Variants in NFXL1 observed in about 807,000 individuals in gnomAD.
NFXL1 encodes nuclear transcription factor, X-box binding like 1.
Under a neutral mutation model 123.3 loss-of-function variants are expected in NFXL1, and 66 were observed. The observed-to-expected ratio is 0.54, with a 90% CI of 0.44 to 0.66. NFXL1 has a LOEUF of 0.66. NFXL1 is among the 30% of genes least tolerant of loss of function. The pLI, the probability that NFXL1 is intolerant of heterozygous loss-of-function variation, is 0.00. For missense variants in NFXL1, 944 were observed against 1,125.6 expected (o/e 0.84, Z 2.31); for synonymous variants, 346 against 360.8 (o/e 0.96, Z 0.46).
At chr4:47,849,235 C>A (rs1446235732) in intron 22 of NFXL1, among the ~76,000 whole-genome samples, 1 of 152,046 alleles carries the variant, frequency 6.6e-6, no homozygotes, top group Admixed American at 6.5e-5. Context: ...GCTTTAAAAT[C>A]AAAATGACTA....
intron 18 of NFXL1, among the ~76,000 whole-genome samples, chr4:47,863,600 C>T (rs1271086421): frequency 1.3e-5 from 2 of 151,956 alleles, no homozygotes; most frequent in African/African-American, 4.8e-5. Flanking sequence ...AAGAATCGCT[C>T]GAACTCAGGA....
intron 18 of NFXL1, among the ~76,000 whole-genome samples, chr4:47,874,475 A>T (rs906573676): frequency 6.6e-6 from 1 of 152,222 alleles, no homozygotes; most frequent in Admixed American, 6.5e-5. Context: ...CTAGTGATGC[A>T]GTTCAATCAC....
intron 18 of NFXL1, among the ~76,000 whole-genome samples, chr4:47,863,556 C>T (rs909859841): frequency 6.6e-6 from 1 of 152,054 alleles, no homozygotes; most frequent in Non-Finnish European, 1.5e-5. Context: ...ATGGTGCATG[C>T]CTGTAATCCT....
rs1733889098 is a variant in NFXL1, at chr4:47,847,709, T to C, written c.*454A>G. ...TCATGTCACAATTTAAGAGGTCTGT[T>C]AGAGAATCACTTTTTTTAAAAAGCA... On this transcript the variant is annotated 3_prime_UTR_variant, in exon 23 of 23. Transcript: ENST00000507489. The C allele has an allele frequency of 6.5e-6, 1 of 152,750 alleles. No individual in the cohort carries two copies. The highest frequency in any genetic ancestry group is 2.1e-4 in the South Asian group (1 of 4,830). The allele number at this position is 152,750 out of a possible 1,614,324, so 9.5% of individuals were successfully genotyped here.
At chr4:47,885,765 T>C (rs1736393050) in intron 13 of NFXL1, 108 bp from the exon 14 acceptor site, 10 of 1,336,826 alleles carry the variant, frequency 7.5e-6, no homozygotes, top group Non-Finnish European at 1.0e-5. Flanking sequence ...AGAATGAGTA[T>C]ACTGTGAATA....
intron 17 of NFXL1, 164 bp from the exon 18 acceptor site, chr4:47,875,457 T>C: frequency 2.2e-6 from 1 of 463,838 alleles, no homozygotes. Flanking sequence ...CTTAAAAATA[T>C]TCAAACTAAA....
At position 47,898,758 on chromosome 4, in the gene NFXL1, T is replaced by C. The variant is rs755728390; in HGVS notation, c.1088A>G (p.Gln363Arg). ...SCASPLWHCDQVCGKTLPCGN... is the reference protein window; with the variant it reads ...SCASPLWHCDRVCGKTLPCGN... ...CCCTCAAAATGCATATAAACTTACT[T>C]GATCACAGTGCCATAGTGGACTTGC... is the stretch of plus-strand genomic sequence containing the variant. The change falls in exon 8 of 23, where the codon CAA (glutamine) becomes CGA (arginine). Residue 363 changes from glutamine to arginine, a missense_variant and splice_region_variant. Physicochemically the swap from Gln to Arg is conservative, Grantham distance 43. This residue lies in a region of NFXL1 where 296 missense variants were observed against 395.1 expected (regional missense o/e 0.75). Transcript: ENST00000507489. The C allele has an allele frequency of 6.3e-7, 1 of 1,594,696 alleles. No homozygotes were observed. Among genetic ancestry groups the C allele is most frequent in the Non-Finnish European group, 8.6e-7 (1 of 1,162,330 alleles).
At chr4:47,867,572 T>C (rs1735176947) in intron 18 of NFXL1, among the ~76,000 whole-genome samples, 1 of 152,044 alleles carries the variant, frequency 6.6e-6, no homozygotes, top group Non-Finnish European at 1.5e-5. Flanking sequence ...GCTAATCAGG[T>C]ACCTGAAAAA....
chr4:47,898,046 T>C lies in NFXL1; in HGVS notation c.1125A>G (p.Thr375=). Residue 375 remains threonine (T), a synonymous_variant, in exon 9 of 23, where the codon ACA becomes ACG. Transcript: ENST00000507489. ...CGKTLPCGNH[T]CEQVCHVGAC... ...CACCAACATGGCAAACTTGCTCACA[T>C]GTGTGATTACCACATGGCAGTGTTT... is the stretch of plus-strand genomic sequence containing the variant. The C allele has an allele frequency of 6.2e-7, 1 of 1,612,292 alleles. No homozygotes were observed. Among genetic ancestry groups the C allele is most frequent in the Non-Finnish European group, 8.5e-7 (1 of 1,179,210 alleles).
chr4:47,874,498 T>C (rs753358344), intron 18 of NFXL1, among the ~76,000 whole-genome samples: 8 of 152,158 alleles, frequency 5.3e-5, no homozygotes, highest in Non-Finnish European at 1.2e-4. Context: ...ACAATATTTA[T>C]CAATGATTCA....
At chr4:47,911,463 G>A (rs1042369622) in intron 2 of NFXL1, among the ~76,000 whole-genome samples, 5 of 152,108 alleles carry the variant, frequency 3.3e-5, no homozygotes, top group Admixed American at 2.0e-4. Context: ...AGGACACGAC[G>A]GCCCAGCCCA....
chr4:47,869,907 C>T (rs767604708), intron 18 of NFXL1, among the ~76,000 whole-genome samples: 6 of 151,850 alleles, frequency 4.0e-5, no homozygotes, highest in Non-Finnish European at 7.4e-5. Context: ...ATTTTAATCA[C>T]GGTAAGCAAC....
intron 12 of NFXL1, among the ~76,000 whole-genome samples, chr4:47,890,097 T>C (rs1311198791): frequency 6.6e-6 from 1 of 151,988 alleles, no homozygotes; most frequent in East Asian, 1.9e-4. Flanking sequence ...ATACAATAAA[T>C]GTCAATGAAT....
At chr4:47,898,111 A>T in intron 8 of NFXL1, 30 bp from the exon 9 acceptor site, 1 of 1,368,668 alleles carries the variant, frequency 7.3e-7, no homozygotes, top group Non-Finnish European at 1.0e-6. Flanking sequence ...ACACTAATGA[A>T]GGATTTAAAA....
intron 17 of NFXL1, 36 bp downstream of exon 17, chr4:47,878,489 C>A: frequency 7.0e-7 from 1 of 1,437,900 alleles, no homozygotes; most frequent in South Asian, 1.5e-5. Flanking sequence ...TTCAAGAATA[C>A]TATGGGCAGA....
intron 17 of NFXL1, among the ~76,000 whole-genome samples, chr4:47,877,623 T>C (rs1249489880): frequency 6.6e-6 from 1 of 152,084 alleles, no homozygotes; most frequent in East Asian, 1.9e-4. Context: ...CATGAGTACA[T>C]TTTTGAGGGT....
In NFXL1 at chr4:47,894,268, G is replaced by A; in HGVS notation, c.1364C>T (p.Thr455Ile). ...VEKHCRCGKHTKRMPCHKPYL... is the reference protein window; with the variant it reads ...VEKHCRCGKHIKRMPCHKPYL... ...AGGTTTATGACAAGGCATTCGTTTT[G>A]TATGCTTTCCACAGCGACAATGCTT... Residue 455 changes from threonine to isoleucine, a missense_variant, in exon 11 of 23, where the codon ACA (threonine) becomes ATA (isoleucine). By Grantham distance (89) the Thr-to-Ile change is moderately conservative (BLOSUM62 -1). Around this residue, in one of 4 missense-constraint regions of NFXL1, gnomAD observed 296 missense variants for 395.1 expected, o/e 0.75. Coordinates refer to ENST00000507489, the MANE Select transcript of NFXL1 (RefSeq NM_001278624.2). The A allele has an allele frequency of 6.2e-7, 1 of 1,601,848 alleles. No homozygotes were observed. The highest frequency in any genetic ancestry group is 1.1e-5 in the South Asian group (1 of 89,466).
intron 20 of NFXL1, among the ~76,000 whole-genome samples, chr4:47,854,399 G>A (rs1036061389): frequency 6.6e-6 from 1 of 152,080 alleles, no homozygotes; most frequent in African/African-American, 2.4e-5. Flanking sequence ...CAACAGGGAA[G>A]ATCAAGGAAA....
intron 2 of NFXL1, among the ~76,000 whole-genome samples, chr4:47,912,732 A>G (rs1272021373): frequency 3.8e-4 from 54 of 141,652 alleles, no homozygotes; most frequent in Admixed American, 1.0e-3. Context: ...TGCTGGGATT[A>G]CAGGCTTGAG....
Sources: gnomAD v4.1 joint callset for allele counts (sites outside exome capture counted in the v4.1 genomes callset) on GRCh38, gnomAD v4.1.1 for gene constraint, gnomAD v4.1.1 regional missense constraint, MANE v1.5 for transcripts, NCBI Gene and HGNC (gene_info 2026-07-23, HGNC 2026-07-21) for gene names.